The following SNCAIP variants were observed in gnomAD, a reference collection of about 807,000 sequenced individuals.
SNCAIP encodes the protein synphilin-1.
Under a neutral mutation model 86.7 loss-of-function variants are expected in SNCAIP, and 43 were observed. The observed-to-expected ratio is 0.50, with a 90% CI of 0.39 to 0.64. The LOEUF (loss-of-function observed/expected upper bound fraction) is 0.64. SNCAIP is among the 30% of genes least tolerant of loss of function. The pLI, the probability that SNCAIP is intolerant of heterozygous loss-of-function variation, is 0.00. For missense variants in SNCAIP, 981 were observed against 1,103.1 expected, an observed-to-expected ratio of 0.89 and a Z score of 1.57; for synonymous variants, 417 against 427.2, an observed-to-expected ratio of 0.98 and a Z score of 0.29.
intron 1 of SNCAIP, among the ~76,000 whole-genome samples, chr5:122,369,353 A>G (rs1002439186): frequency 8.5e-5 from 13 of 152,216 alleles, no homozygotes; most frequent in Admixed American, 7.9e-4. Context: ...AACCCAATGT[A>G]CTTTGAGATT....
intron 1 of SNCAIP, among the ~76,000 whole-genome samples, chr5:122,355,715 G>A (rs1435331803): frequency 6.6e-6 from 1 of 152,186 alleles, no homozygotes; most frequent in African/African-American, 2.4e-5. Context: ...GAGGGGAATG[G>A]AGTAGAATTT....
At chr5:122,321,883 C>G (rs1383680470) in intron 1 of SNCAIP, 1 of 152,038 alleles carries the variant, frequency 6.6e-6, no homozygotes, top group Non-Finnish European at 1.5e-5. Context: ...TTTGTTTCAC[C>G]TCTTTTAATA....
intron 3 of SNCAIP, among the ~76,000 whole-genome samples, chr5:122,415,260 A>T (rs1775072911): frequency 6.6e-6 from 1 of 152,204 alleles, no homozygotes; most frequent in African/African-American, 2.4e-5. Flanking sequence ...AGGAGCCTGC[A>T]TGGGCAGACC....
intron 1 of SNCAIP, among the ~76,000 whole-genome samples, chr5:122,331,116 A>G (rs1033163785): frequency 6.6e-6 from 1 of 152,208 alleles, no homozygotes; most frequent in Non-Finnish European, 1.5e-5. Flanking sequence ...GTGTAAACAC[A>G]GAGGAAGCTT....
chr5:122,313,520 C>T (rs1751078975), intron 1 of SNCAIP, among the ~76,000 whole-genome samples: 1 of 152,166 alleles, frequency 6.6e-6, no homozygotes, highest in Non-Finnish European at 1.5e-5. Context: ...ACCTATTTTT[C>T]TTTTATGGAG....
At chr5:122,380,245 A>G (rs1332319680) in intron 1 of SNCAIP, among the ~76,000 whole-genome samples, 1 of 152,174 alleles carries the variant, frequency 6.6e-6, no homozygotes, top group Non-Finnish European at 1.5e-5. Context: ...TCAGAGATTC[A>G]ACTTCTTCCT....
intron 10 of SNCAIP, among the ~76,000 whole-genome samples, chr5:122,452,287 C>T (rs537840447): frequency 3.3e-5 from 5 of 152,200 alleles, no homozygotes; most frequent in South Asian, 4.2e-4. Context: ...AGTGGATAGG[C>T]GATATGAACA....
At chr5:122,348,003 T>C in intron 1 of SNCAIP, among the ~76,000 whole-genome samples, 1 of 152,132 alleles carries the variant, frequency 6.6e-6, no homozygotes, top group Middle Eastern at 3.2e-3. Flanking sequence ...TATAGATAGT[T>C]TGTTGTTACA....
At chr5:122,455,601 G>C (rs1170259647) in intron 10 of SNCAIP, among the ~76,000 whole-genome samples, 2 of 152,288 alleles carry the variant, frequency 1.3e-5, no homozygotes, top group Non-Finnish European at 2.9e-5. Context: ...TATCCCTGGG[G>C]AAAAGAGTGA....
chr5:122,408,395 C>G (rs547428012), intron 3 of SNCAIP, among the ~76,000 whole-genome samples: 1 of 152,292 alleles, frequency 6.6e-6, no homozygotes, highest in South Asian at 2.1e-4. Flanking sequence ...GCTCACCTCA[C>G]TTCATCCCTG....
chr5:122,327,484 G>A (rs1278478007), intron 1 of SNCAIP, among the ~76,000 whole-genome samples: 2 of 152,128 alleles, frequency 1.3e-5, no homozygotes, highest in Non-Finnish European at 2.9e-5. Context: ...CCTGGTAGGA[G>A]GTGACTGGAT....
intron 8 of SNCAIP, among the ~76,000 whole-genome samples, chr5:122,445,456 G>C (rs966755292): frequency 2.2e-4 from 33 of 152,060 alleles, no homozygotes; most frequent in African/African-American, 4.8e-5. Context: ...CAAGTTGAAG[G>C]ACTAAGGAGT....
chr5:122,389,606 G>T (rs1768907191), intron 1 of SNCAIP: 1 of 152,114 alleles, frequency 6.6e-6, no homozygotes, highest in African/African-American at 2.4e-5. Context: ...CCTATTTTCA[G>T]ATTTCTACAA....
intron 1 of SNCAIP, among the ~76,000 whole-genome samples, chr5:122,353,486 G>A (rs1580614410): frequency 6.6e-6 from 1 of 150,774 alleles, no homozygotes; most frequent in African/African-American, 2.4e-5. Flanking sequence ...CAGGTGATAT[G>A]GTTTGGCTGT....
intron 1 of SNCAIP, among the ~76,000 whole-genome samples, chr5:122,370,440 C>T (rs756607547): frequency 3.1e-4 from 47 of 151,916 alleles, no homozygotes; most frequent in Non-Finnish European, 5.6e-4. Flanking sequence ...TTAGTGTGTT[C>T]TTACTGACAA....
At chr5:122,441,509 A>G (rs1780912156) in intron 7 of SNCAIP, among the ~76,000 whole-genome samples, 1 of 152,230 alleles carries the variant, frequency 6.6e-6, no homozygotes, top group African/African-American at 2.4e-5. Context: ...GCCCCAAGCC[A>G]CATGAAGGGT....
At chr5:122,453,135 G>A (rs904723216) in intron 10 of SNCAIP, 10 of 568,598 alleles carry the variant, frequency 1.8e-5, no homozygotes, top group East Asian at 2.9e-5. Flanking sequence ...ATTCCCCCAA[G>A]TAGAAGCAGG....
chr5:122,315,959 A>G (rs569595105), intron 1 of SNCAIP, among the ~76,000 whole-genome samples: 1 of 152,336 alleles, frequency 6.6e-6, no homozygotes, highest in Admixed American at 6.5e-5. Context: ...AGATTTAAAA[A>G]TACTTAAGTG....
chr5:122,405,033 A>G (rs1772671243), intron 3 of SNCAIP, among the ~76,000 whole-genome samples: 1 of 152,190 alleles, frequency 6.6e-6, no homozygotes, highest in South Asian at 2.1e-4. Context: ...ATAGGATTTA[A>G]TAGAGGCTCT....
Sources: gnomAD v4.1 joint callset for allele counts (sites outside exome capture counted in the v4.1 genomes callset) on GRCh38, gnomAD v4.1.1 for gene constraint, MANE v1.5 for transcripts, NCBI Gene and HGNC (gene_info 2026-07-23, HGNC 2026-07-21) for gene names.